The following AMZ1 variants were observed in gnomAD, a reference collection of about 807,000 sequenced individuals.
AMZ1 encodes archaemetzincin-1.
Under a neutral mutation model 29.9 loss-of-function variants are expected in AMZ1, and 39 were observed. The ratio of observed to expected loss-of-function variants is 1.30; its 90% CI spans 1.01 to 1.70. AMZ1 has a LOEUF of 1.70. Ranked by LOEUF, AMZ1 falls within the 40% of genes most tolerant of loss-of-function variation. AMZ1 has a pLI of 0.00. For synonymous variants in AMZ1, 458 were observed against 304.0 expected, an observed-to-expected ratio of 1.51 and a Z score of -5.27; for missense variants, 1,041 against 680.6, an observed-to-expected ratio of 1.53 and a Z score of -5.89.
chr7:2,680,473 CT>C (rs1786843550), intron 1 of AMZ1, among the ~76,000 whole-genome samples: 2 of 152,174 alleles, frequency 1.3e-5, no homozygotes, highest in Admixed American at 1.3e-4. Flanking sequence ...GCCGCGAAGC[CT>C]CAAGAGGGAG....
chr7:2,709,394 G>A (rs1405404976), intron 5 of AMZ1, 150 bp downstream of exon 5: 1 of 1,050,876 alleles, frequency 9.5e-7, no homozygotes, highest in Non-Finnish European at 1.3e-6. Context: ...ACACAGCTAT[G>A]AAGCAGCAGG....
At chr7:2,689,703 C>T (rs980324130) in intron 1 of AMZ1, among the ~76,000 whole-genome samples, 24 of 152,186 alleles carry the variant, frequency 1.6e-4, no homozygotes, top group Non-Finnish European at 2.5e-4. Flanking sequence ...GCTTGGAGGA[C>T]GCAGGCATGA....
intron 3 of AMZ1, among the ~76,000 whole-genome samples, chr7:2,705,902 C>T (rs1234707593): frequency 6.6e-6 from 1 of 152,250 alleles, no homozygotes; most frequent in Non-Finnish European, 1.5e-5. Context: ...CCTCACCTCC[C>T]CCACGCCGTA....
intron 4 of AMZ1, chr7:2,729,123 T>C (rs1285978479): frequency 2.0e-5 from 3 of 152,436 alleles, no homozygotes; most frequent in African/African-American, 7.2e-5. Context: ...ATCACAGCGC[T>C]GCTGTCGCCA....
intron 5 of AMZ1, 25 bp downstream of exon 5, chr7:2,709,269 AAG>A (rs779776373): frequency 4.0e-5 from 59 of 1,481,536 alleles, no homozygotes; most frequent in Non-Finnish European, 5.1e-5. Flanking sequence ...TGGGGCTGGT[AAG>A]AGGGGACAGG....
At position 2,714,843 on chromosome 7, in the gene AMZ1, C is replaced by G. The variant is rs953530413; in HGVS notation, c.*1965C>G. On this transcript the variant is annotated 3_prime_UTR_variant, in exon 7 of 7. Coordinates refer to ENST00000683327, the MANE Select transcript of AMZ1 (RefSeq NM_001384743.1). ...GGCAGCTGCCATACCGTGAGGAAAC[C>G]CGACAAACAGGGCAGCCAGAGCCAG... 5 of 152,284 alleles carry G rather than the reference C, an allele frequency of 3.3e-5. No individual in the cohort carries two copies. The highest frequency in any genetic ancestry group is 1.2e-4 in the African/African-American group (5 of 41,406). 9.4% of individuals were successfully genotyped at this position (152,284 alleles called of 1,614,324 possible). A position where few individuals can be genotyped will look rare whatever the true frequency, so the allele number is the denominator to read the frequency against.
rs748545651 is a variant in AMZ1 at position 2,715,721 on chromosome 7, G to A, written c.*2843G>A. The stretch of plus-strand genomic sequence containing the variant: ...CCTCCTCTCCCCCGTGTTAGCCCCA[G>A]GTTCTGTCTGTGCTGTGGTGAAGAG... On this transcript the variant is annotated 3_prime_UTR_variant, in exon 7 of 7. Coordinates refer to ENST00000683327, the MANE Select transcript of AMZ1 (RefSeq NM_001384743.1). 2.0e-5 allele frequency: 3 copies of A among 152,226 alleles called. No homozygotes were observed. Among genetic ancestry groups the A allele is most frequent in the Non-Finnish European group, 4.4e-5 (3 of 68,062 alleles). The allele number at this position is 152,226 out of a possible 1,614,324, so 9.4% of individuals were successfully genotyped here.
intron 1 of AMZ1, among the ~76,000 whole-genome samples, chr7:2,681,810 G>C (rs566183955): frequency 5.1e-4 from 78 of 152,116 alleles, no homozygotes; most frequent in Non-Finnish European, 1.0e-3. Flanking sequence ...GGAGGGAGAT[G>C]GTGACAGAGA....
intron 4 of AMZ1, among the ~76,000 whole-genome samples, chr7:2,759,438 T>C (rs1479992869): frequency 6.6e-6 from 1 of 152,208 alleles, no homozygotes; most frequent in Non-Finnish European, 1.5e-5. Flanking sequence ...ATGTGACAGA[T>C]GGGAAGACTG....
chr7:2,725,033 C>G (rs35837069), intron 4 of AMZ1, among the ~76,000 whole-genome samples: 23,738 of 152,200 alleles, frequency 0.16, 1,994 homozygotes, highest in Non-Finnish European at 0.2. Flanking sequence ...CAAACACTAA[C>G]TTGCAGCAGC....
rs527871536 is a variant in AMZ1, at chr7:2,715,075, T to A, written c.*2197T>A. 5.9e-5 allele frequency: 9 copies of A among 152,392 alleles called. No individual in the cohort carries two copies. In the South Asian group the frequency reaches 1.9e-3, roughly 32 times the overall value. The allele number at this position is 152,392 out of a possible 1,614,324, so 9.4% of individuals were successfully genotyped here. A position where few individuals can be genotyped will look rare whatever the true frequency, so the allele number is the denominator to read the frequency against. On this transcript the variant is annotated 3_prime_UTR_variant, in exon 7 of 7. Transcript: ENST00000683327. ...AGAGGGTCACTTTCAGAAAGGGACC[T>A]GGGCTTCCTCACAATATGGCGGTTG...
At chr7:2,751,284 G>T (rs890892964) in intron 4 of AMZ1, among the ~76,000 whole-genome samples, 1 of 151,922 alleles carries the variant, frequency 6.6e-6, no homozygotes, top group Admixed American at 6.6e-5. Context: ...TACTCAGCAG[G>T]GGGAGCTGAG....
chr7:2,709,462 T>G (rs1366579354), intron 5 of AMZ1, among the ~76,000 whole-genome samples, 178 bp from the exon 6 acceptor site: 4 of 152,094 alleles, frequency 2.6e-5, no homozygotes, highest in Admixed American at 1.3e-4. Flanking sequence ...GACTCACCTT[T>G]CCCCTGGGGC....
At chr7:2,709,841 GGCTGCTGGGACCTGC>G (rs771386633) in intron 6 of AMZ1, 25 bp downstream of exon 6, 1 of 1,608,466 alleles carries the variant, frequency 6.2e-7, no homozygotes, top group South Asian at 1.1e-5. Flanking sequence ...TGCGCTGCCC[GGCTGCTGGGACCTGC>G]GCTCCGGAGG....
intron 4 of AMZ1, among the ~76,000 whole-genome samples, chr7:2,752,030 C>T (rs978968358): frequency 4.6e-5 from 7 of 152,202 alleles, no homozygotes; most frequent in East Asian, 3.9e-4. Context: ...GTACCCACAC[C>T]GACAAGATTA....
At position 2,714,443 on chromosome 7, in the gene AMZ1, G is replaced by A. The variant is rs1333954907; in HGVS notation, c.*1565G>A. 6.6e-6 allele frequency: 1 copy of A among 152,338 alleles called. No individual in the cohort carries two copies. The highest frequency in any genetic ancestry group is 1.5e-5 in the Non-Finnish European group (1 of 68,042). The allele number at this position is 152,338 out of a possible 1,614,324, so 9.4% of individuals were successfully genotyped here. A position where few individuals can be genotyped will look rare whatever the true frequency, so the allele number is the denominator to read the frequency against. ...AAGATGCAGCTCAGAAGTAGCATTA[G>A]GATCTTCGTCCCGTTCTCTTTTGCG... is the stretch of plus-strand genomic sequence containing the variant. On this transcript the variant is annotated 3_prime_UTR_variant, in exon 7 of 7. Coordinates refer to ENST00000683327, the MANE Select transcript of AMZ1 (RefSeq NM_001384743.1).
At position 2,712,637 on chromosome 7, in the gene AMZ1, A is replaced by G; in HGVS notation, c.1256A>G (p.Gln419Arg). ...RWLAMCIQAL[Q>R]REVAEEDLVQ... Reference sequence around the variant, plus strand: ...CTGGCCATGTGCATCCAGGCCCTGCAGCGGGAAGTGGCAGAGGAGGACCTG... The same window carrying G: ...CTGGCCATGTGCATCCAGGCCCTGCGGCGGGAAGTGGCAGAGGAGGACCTG... Residue 419 changes from glutamine to arginine, a missense_variant, in exon 7 of 7, where the codon CAG (glutamine) becomes CGG (arginine). Gln to Arg is a conservative substitution (Grantham distance 43, BLOSUM62 1). Coordinates refer to ENST00000683327, the MANE Select transcript of AMZ1 (RefSeq NM_001384743.1). The G allele has an allele frequency of 6.2e-7, 1 of 1,613,094 alleles. No individual in the cohort carries two copies. Among genetic ancestry groups the G allele is most frequent in the Non-Finnish European group, 8.5e-7 (1 of 1,179,896 alleles).
intron 6 of AMZ1, 103 bp from the exon 7 acceptor site, chr7:2,712,227 C>T (rs1788826526): frequency 2.4e-6 from 3 of 1,272,314 alleles, no homozygotes; most frequent in Admixed American, 3.0e-5. Context: ...CCCTGGGTAA[C>T]TGAGGACGGT....
At chr7:2,711,166 A>AG (rs1788750754) in intron 6 of AMZ1, among the ~76,000 whole-genome samples, 1 of 152,186 alleles carries the variant, frequency 6.6e-6, no homozygotes, top group Non-Finnish European at 1.5e-5. Context: ...TGTGGAGGGA[A>AG]GAGGGCCAGG....
Sources: allele counts gnomAD v4.1 joint callset (sites outside exome capture counted in the v4.1 genomes callset), GRCh38; gene constraint gnomAD v4.1.1; transcripts MANE v1.5; gene names NCBI Gene and HGNC (gene_info 2026-07-23, HGNC 2026-07-21).